CCDC134: variants seen among roughly 807,000 people sequenced by gnomAD.
The protein encoded by CCDC134 is coiled-coil domain-containing protein 134.
In CCDC134, 27 loss-of-function variants were observed where a neutral mutation model predicts 25.6. The ratio of observed to expected loss-of-function variants is 1.05; its 90% confidence interval spans 0.78 to 1.45. The LOEUF is 1.45. Among genes scored for constraint, CCDC134 ranks in the 40% most tolerant of loss-of-function variants. The probability of loss-of-function intolerance (pLI) is 0.00; values close to 1 mark genes in which losing one functional copy is unlikely to be tolerated. For missense variants in CCDC134, 261 were observed against 286.7 expected, an observed-to-expected ratio of 0.91 and a Z score of 0.65; for synonymous variants, 110 against 115.0, an observed-to-expected ratio of 0.96 and a Z score of 0.28.
rs143100170 is a variant in CCDC134, at chr22:41,825,804, G to A, written c.671G>A (p.Arg224Lys). The change falls in exon 7 of 7, where the codon AGA becomes AAA. Residue 224 changes from arginine (R) to lysine (K), a missense_variant. Transcript: ENST00000255784. The surrounding 1 kb of genome is among the most constrained non-coding windows in gnomAD (Gnocchi z 4.4). ...ATCCGAAAAGGCCCAAGGATCTCCA[G>A]ATCCCAGTCTGAGTTATAGCCCTGG... ...KEIRKGPRIS[R>K]SQSEL 2.8e-5 allele frequency: 46 copies of A among 1,614,200 alleles called. No homozygotes were observed. The East Asian group carries it at 1.0e-3, about 35-fold the overall frequency.
chr22:41,804,880 G>A (rs572337634), intron 1 of CCDC134, among the ~76,000 whole-genome samples: 1 of 152,318 alleles, frequency 6.6e-6, no homozygotes, highest in African/African-American at 2.4e-5. Context: ...GACCAGCCTG[G>A]CCAACATGGT....
rs992918937 is a variant in CCDC134 at position 41,829,142 on chromosome 22, A to G, written c.*3319A>G. Among the ~76,000 whole-genome samples the G allele has an allele frequency of 8.5e-5, 13 of 152,240 alleles. No homozygotes were observed. The highest frequency in any genetic ancestry group is 7.2e-4 in the Admixed American group (11 of 15,296). The stretch of plus-strand genomic sequence containing the variant: ...CAAAAATGTGTCCAGACATTGCCAG[A>G]TGTCCACTGGGAGGGAAAACCTCTC... On this transcript the variant is annotated 3_prime_UTR_variant, in exon 7 of 7. Coordinates refer to ENST00000255784, the MANE Select transcript of CCDC134 (RefSeq NM_024821.5).
chr22:41,801,360 G>T (rs1218090522), intron 1 of CCDC134, among the ~76,000 whole-genome samples: 1 of 152,054 alleles, frequency 6.6e-6, no homozygotes, highest in African/African-American at 2.4e-5. Context: ...GTCTGTAACT[G>T]AGCATCTCTC....
Position 41,829,753 on chromosome 22 carries a change from C to T in CCDC134, c.*3930C>T, listed in dbSNP as rs1015136504. On this transcript the variant is annotated 3_prime_UTR_variant, in exon 7 of 7. Transcript: ENST00000255784. ...AACATAGTGGTTACCCAGTCTAATC[C>T]ATCCCTTTTCTTTCTTTCTTTCTTT... Among the ~76,000 whole-genome samples the T allele has an allele frequency of 4.6e-5, 7 of 152,066 alleles. No homozygotes were observed. Among genetic ancestry groups the T allele is most frequent in the African/African-American group, 1.4e-4 (6 of 41,396 alleles).
rs1482050263 is a variant in CCDC134 at position 41,828,775 on chromosome 22, G to A, written c.*2952G>A. ...ACCAACTGCATATACCACTGTGGGA[G>A]TCGTGCTGGTGGCGGTAGTGGTCAC... On this transcript the variant is annotated 3_prime_UTR_variant, in exon 7 of 7. Transcript: ENST00000255784. 2.6e-5 allele frequency among the ~76,000 whole-genome samples: 4 copies of A among 152,336 alleles called. No individual in the cohort carries two copies.
In CCDC134 at chr22:41,804,807, C is replaced by T. The variant is rs5996068; in HGVS notation, c.-17+4041C>T. On this transcript the variant is annotated intron_variant, in intron 1 of 6. Transcript: ENST00000255784. ...AGAACAGGCTGGGCACAGTGGCTCA[C>T]GCCTGTAATCTCAGTACATTGGGAG... Among the ~76,000 whole-genome samples, 243 of 152,356 alleles carry T rather than the reference C, an allele frequency of 1.6e-3. 2 individuals are homozygous for T. The highest frequency in any genetic ancestry group is 5.6e-3 in the African/African-American group (233 of 41,588).
At chr22:41,823,303 CA>C (rs1430497144) in intron 6 of CCDC134, among the ~76,000 whole-genome samples, 1 of 149,212 alleles carries the variant, frequency 6.7e-6, no homozygotes, top group Admixed American at 6.8e-5. Context: ...CAGCTCACTG[CA>C]ACCCCCGCCT....
chr22:41,806,334 T>C (rs538494734), intron 1 of CCDC134, among the ~76,000 whole-genome samples: 212 of 150,674 alleles, frequency 1.4e-3, no homozygotes, highest in Non-Finnish European at 2.4e-3. Flanking sequence ...TTCTCCTGCC[T>C]CAGCCTCCCA....
rs140097997 is a variant in CCDC134 at position 41,822,828 on chromosome 22, T to A, written c.565-2870T>A. 5.4e-3 allele frequency among the ~76,000 whole-genome samples: 824 copies of A among 152,328 alleles called. 11 individuals carry two copies. Among genetic ancestry groups the A allele is most frequent in the African/African-American group, 0.019 (794 of 41,560 alleles). Reference sequence around the variant, plus strand: ...GGAAGTGTGCAGCCTGCAAGGCTAGTCCTAGTTGGGCCTACCACATGCTAT... The same window carrying A: ...GGAAGTGTGCAGCCTGCAAGGCTAGACCTAGTTGGGCCTACCACATGCTAT... On this transcript the variant is annotated intron_variant, in intron 6 of 6. Transcript: ENST00000255784.
chr22:41,817,473 C>T (rs1232596553), intron 6 of CCDC134, among the ~76,000 whole-genome samples: 2 of 151,934 alleles, frequency 1.3e-5, no homozygotes, highest in African/African-American at 2.4e-5. Flanking sequence ...GTGGCTCACA[C>T]CTGTAATCCC....
At chr22:41,821,438 T>C (rs1207171462) in intron 6 of CCDC134, among the ~76,000 whole-genome samples, 1 of 152,002 alleles carries the variant, frequency 6.6e-6, no homozygotes, top group Non-Finnish European at 1.5e-5. Flanking sequence ...TCATTTAGCA[T>C]TAGGCATATC....
intron 1 of CCDC134, 34 bp from the exon 2 acceptor site, chr22:41,808,841 A>C (rs976928246): frequency 1.3e-6 from 2 of 1,494,404 alleles, no homozygotes; most frequent in Non-Finnish European, 1.9e-6. Context: ...CCGATCTCTG[A>C]GTCTCACTCT....
Position 41,830,939 on chromosome 22 carries a change from G to A in CCDC134, c.*5116G>A, listed in dbSNP as rs573275030. Among the ~76,000 whole-genome samples, 1 of 141,070 alleles carries A rather than the reference G, an allele frequency of 7.1e-6. No individual in the cohort carries two copies. The highest frequency in any genetic ancestry group is 2.2e-4 in the South Asian group (1 of 4,524). 92.5% of individuals were successfully genotyped at this position (141,070 alleles called of 152,430 possible). A position where few individuals can be genotyped will look rare whatever the true frequency, so the allele number is the denominator to read the frequency against. ...AGTCTCCTGTTGCCCAGGCTGGAGT[G>A]CAATGGCGCGATCTCTGCTCACCGT... On this transcript the variant is annotated 3_prime_UTR_variant, in exon 7 of 7. Coordinates refer to ENST00000255784, the MANE Select transcript of CCDC134 (RefSeq NM_024821.5).
intron 5 of CCDC134, 90 bp downstream of exon 5, chr22:41,813,535 A>C: frequency 6.9e-7 from 1 of 1,441,744 alleles, no homozygotes; most frequent in Non-Finnish European, 9.5e-7. Flanking sequence ...CCTGAACGTC[A>C]GTGCTTGGTT....
At chr22:41,804,976 G>A (rs543181060) in intron 1 of CCDC134, among the ~76,000 whole-genome samples, 246 of 152,264 alleles carry the variant, frequency 1.6e-3, no homozygotes, top group African/African-American at 5.2e-3. Context: ...AGGCTGAGGC[G>A]CAAGAATCAC....
At chr22:41,802,796 C>T (rs755829411) in intron 1 of CCDC134, among the ~76,000 whole-genome samples, 4 of 151,870 alleles carry the variant, frequency 2.6e-5, no homozygotes, top group Non-Finnish European at 5.9e-5. Context: ...TGCCTGTAGT[C>T]CCAGCTACTT....
At chr22:41,813,660 A>T in intron 5 of CCDC134, 91 bp from the exon 6 acceptor site, 1 of 1,400,806 alleles carries the variant, frequency 7.1e-7, no homozygotes, top group Non-Finnish European at 1.0e-6. Context: ...TGCCCAAGTC[A>T]GGAGTCTGGG....
At chr22:41,823,515 G>A (rs896257188) in intron 6 of CCDC134, among the ~76,000 whole-genome samples, 2 of 151,906 alleles carry the variant, frequency 1.3e-5, no homozygotes, top group Admixed American at 6.6e-5. Context: ...CATGAGCCAC[G>A]GCGCCCAACT....
rs376681838 is a variant in CCDC134 at position 41,813,476 on chromosome 22, C to T, written c.492+31C>T. On this transcript the variant is annotated intron_variant, in intron 5 of 6. Transcript: ENST00000255784. ...GACTGGGGTGGAGGTGGCCCGGGAG[C>T]CCTCTGTCGGGTAGTGGACTAGGAT... is the stretch of plus-strand genomic sequence containing the variant. The T allele has an allele frequency of 1.2e-5, 20 of 1,612,266 alleles. No individual in the cohort carries two copies. The African/African-American group carries it at 2.7e-4, about 22-fold the overall frequency.
Sources: allele counts gnomAD v4.1 joint callset (sites outside exome capture counted in the v4.1 genomes callset), GRCh38; gene constraint gnomAD v4.1.1; non-coding constraint Gnocchi (gnomAD v3.1); transcripts MANE v1.5; gene names NCBI Gene and HGNC (gene_info 2026-07-23, HGNC 2026-07-21).